Variants in KCNAB2 observed in about 807,000 individuals in gnomAD.
KCNAB2 encodes potassium voltage-gated channel subfamily A regulatory beta subunit 2.
Under a neutral mutation model 63.6 loss-of-function variants are expected in KCNAB2, and 29 were observed. That is an observed-to-expected ratio of 0.46 (90% CI 0.34 to 0.62). KCNAB2 has a LOEUF of 0.62. KCNAB2 is among the 20% of genes least tolerant of loss of function. KCNAB2 has a pLI of 0.01. For missense variants in KCNAB2, 359 were observed against 563.9 expected (o/e 0.64, Z 3.68); for synonymous variants, 222 against 224.2 (o/e 0.99, Z 0.09).
chr1:6,064,497 G>A (rs937536091), intron 2 of KCNAB2, among the ~76,000 whole-genome samples: 4 of 152,216 alleles, frequency 2.6e-5, no homozygotes, highest in Non-Finnish European at 4.4e-5. Context: ...GGGAAGTAGG[G>A]ATGCTAAGAT....
At chr1:6,007,820 GC>G (rs1321165578) in intron 1 of KCNAB2, among the ~76,000 whole-genome samples, 1 of 152,188 alleles carries the variant, frequency 6.6e-6, no homozygotes, top group Non-Finnish European at 1.5e-5. Context: ...CCCTGTGCCC[GC>G]CGCTTCCCTT....
chr1:6,073,920 C>G lies in KCNAB2; in HGVS notation c.300+150C>G, dbSNP rs886236158. On this transcript the variant is annotated intron_variant, in intron 4 of 15. Transcript: ENST00000378083. The surrounding 1 kb of genome is among the most constrained non-coding windows in gnomAD (Gnocchi z 5.7). ...TTTCTGTTTTGTGAGGGCGCCCTGC[C>G]CCAGGGGAGAGTAGAAAGGTGAGCC... 1.3e-6 allele frequency: 1 copy of G among 746,014 alleles called. No individual in the cohort carries two copies. Among genetic ancestry groups the G allele is most frequent in the Non-Finnish European group, 2.3e-6 (1 of 439,406 alleles). 46.2% of individuals were successfully genotyped at this position (746,014 alleles called of 1,614,324 possible). A position where few individuals can be genotyped will look rare whatever the true frequency, so the allele number is the denominator to read the frequency against.
In KCNAB2 at chr1:6,090,028, G is replaced by A. The variant is rs146588081; in HGVS notation, c.515-361G>A. Among the ~76,000 whole-genome samples, 230 of 152,330 alleles carry A rather than the reference G, an allele frequency of 1.5e-3. 1 individual carries two copies. Among genetic ancestry groups the A allele is most frequent in the African/African-American group, 5.3e-3 (221 of 41,574 alleles). On this transcript the variant is annotated intron_variant, in intron 8 of 15. Transcript: ENST00000378083. ...TAGACACTATTGCCTTTGATGGGACGGGCAGCAGGTGTAGCCCTCCCTCCA... is the reference window on the plus strand; with the variant it reads ...TAGACACTATTGCCTTTGATGGGACAGGCAGCAGGTGTAGCCCTCCCTCCA...
intron 1 of KCNAB2, among the ~76,000 whole-genome samples, chr1:6,002,835 C>A (rs1390923502): frequency 6.6e-6 from 1 of 152,170 alleles, no homozygotes; most frequent in Admixed American, 6.5e-5. Flanking sequence ...CGACTCTGGA[C>A]GACGCTGACA....
At chr1:6,091,685 A>G (rs2100769564) in intron 10 of KCNAB2, among the ~76,000 whole-genome samples, 1 of 152,200 alleles carries the variant, frequency 6.6e-6, no homozygotes, top group South Asian at 2.1e-4. Flanking sequence ...CACAAGGAGC[A>G]AAGCCATCAG....
chr1:6,081,602 A>T (rs1266576110), intron 4 of KCNAB2, among the ~76,000 whole-genome samples: 2 of 151,756 alleles, frequency 1.3e-5, no homozygotes, highest in Non-Finnish European at 2.9e-5. Context: ...GTTCCCTGTA[A>T]AGGCTCGGGG....
In KCNAB2 at chr1:6,085,232, A is replaced by G. The variant is rs761354245; in HGVS notation, c.409A>G (p.Lys137Glu). The stretch of plus-strand genomic sequence containing the variant: ...TGAAGTGGTACTGGGAAACATCATT[A>G]AGAAGAAAGGATGGAGGTAACGGCC... ...KAEVVLGNII[K>E]KKGWRRSSLV... is the part of the protein sequence containing the mutation. The change falls in exon 6 of 16, where the codon AAG (lysine) becomes GAG (glutamate). Residue 137 changes from lysine to glutamate, a missense_variant. By Grantham distance (56) the Lys-to-Glu change is moderately conservative. Transcript: ENST00000378083. 1 of 1,614,070 alleles carries G rather than the reference A, an allele frequency of 6.2e-7. No individual in the cohort carries two copies. The highest frequency in any genetic ancestry group is 8.5e-7 in the Non-Finnish European group (1 of 1,179,920).
intron 1 of KCNAB2, among the ~76,000 whole-genome samples, chr1:6,022,288 G>A (rs1323049940): frequency 1.3e-5 from 2 of 152,052 alleles, no homozygotes; most frequent in African/African-American, 4.8e-5. Context: ...TGAGTGTACA[G>A]TTCAGTGGTA....
chr1:6,062,316 CAA>C (rs201396829), intron 2 of KCNAB2, among the ~76,000 whole-genome samples: 1 of 143,230 alleles, frequency 7.0e-6, no homozygotes, highest in African/African-American at 2.6e-5. Context: ...AAAAGAAGTC[CAA>C]AAAAAAAAAG....
At chr1:5,997,689 C>T (rs1657017203) in intron 1 of KCNAB2, among the ~76,000 whole-genome samples, 1 of 152,196 alleles carries the variant, frequency 6.6e-6, no homozygotes, top group Non-Finnish European at 1.5e-5. Context: ...AATTCTGCCT[C>T]GGAGCCCTGT....
intron 10 of KCNAB2, among the ~76,000 whole-genome samples, chr1:6,093,861 G>A (rs563119092): frequency 3.5e-4 from 54 of 152,142 alleles, no homozygotes; most frequent in African/African-American, 1.1e-3. Context: ...ACCATATGGC[G>A]CCCCAGGTCC....
intron 1 of KCNAB2, among the ~76,000 whole-genome samples, chr1:5,993,164 C>T (rs1490002691): frequency 6.6e-6 from 1 of 151,752 alleles, no homozygotes; most frequent in African/African-American, 2.4e-5. Flanking sequence ...TCCTCTCATC[C>T]CCTCTCCCGG....
intron 1 of KCNAB2, among the ~76,000 whole-genome samples, chr1:6,048,706 G>A (rs1340608560): frequency 6.6e-6 from 1 of 152,244 alleles, no homozygotes; most frequent in Non-Finnish European, 1.5e-5. Context: ...GAGCCCTGGG[G>A]CTACAGCCTG....
chr1:6,084,765 G>C (rs538830922), intron 5 of KCNAB2, among the ~76,000 whole-genome samples: 5 of 133,464 alleles, frequency 3.7e-5, no homozygotes, highest in African/African-American at 1.5e-4. Context: ...GCAGAGAGCC[G>C]AGATCTCGCC....
chr1:6,016,637 G>C (rs1658516562), intron 1 of KCNAB2, among the ~76,000 whole-genome samples: 1 of 152,240 alleles, frequency 6.6e-6, no homozygotes, highest in African/African-American at 2.4e-5. Context: ...TCTGTAGGAA[G>C]GCTTTGGGGT....
intron 1 of KCNAB2, among the ~76,000 whole-genome samples, chr1:6,009,686 G>A (rs1480952405): frequency 1.3e-5 from 2 of 152,182 alleles, no homozygotes; most frequent in Non-Finnish European, 2.9e-5. Flanking sequence ...AAGGCAACAC[G>A]CCTTCGAGGA....
At position 6,015,627 on chromosome 1, in the gene KCNAB2, GC is replaced by G. The variant is rs1459364849; in HGVS notation, c.-53+22840del. On this transcript the variant is annotated intron_variant, in intron 1 of 16. Transcript: ENST00000341524. Reference sequence around the variant, plus strand: ...TGAAGACAGCTCCAGTGTCGATGGGGCTTGGGTCAGTGTTGGGTTTGCTATG... The same window carrying G: ...TGAAGACAGCTCCAGTGTCGATGGGGTTGGGTCAGTGTTGGGTTTGCTATG... Among the ~76,000 whole-genome samples the G allele has an allele frequency of 5.3e-5, 8 of 152,376 alleles. No individual in the cohort carries two copies. The East Asian group carries it at 1.5e-3, about 29-fold the overall frequency.
At chr1:6,046,214 A>G (rs1036581460) in intron 1 of KCNAB2, 31 bp downstream of exon 1, 1 of 984,838 alleles carries the variant, frequency 1.0e-6, no homozygotes, top group African/African-American at 1.7e-5. Flanking sequence ...CTACCTTCCT[A>G]GTGGAGATGC....
At chr1:6,004,975 T>TGGGG (rs1657490614) in intron 1 of KCNAB2, among the ~76,000 whole-genome samples, 1 of 119,696 alleles carries the variant, frequency 8.4e-6, no homozygotes, top group Non-Finnish European at 1.9e-5. Context: ...AGCTGAGGGA[T>TGGGG]GAGGGTGCAG....
Sources: gnomAD v4.1 joint callset for allele counts (sites outside exome capture counted in the v4.1 genomes callset) on GRCh38, gnomAD v4.1.1 for gene constraint, Gnocchi (gnomAD v3.1) non-coding constraint, MANE v1.5 for transcripts, NCBI Gene and HGNC (gene_info 2026-07-23, HGNC 2026-07-21) for gene names.